CALML4: variants seen among roughly 807,000 people sequenced by gnomAD.
CALML4 encodes the protein calmodulin like 4.
A neutral mutation model predicts 17.9 loss-of-function variants in CALML4; 16 were observed. The observed-to-expected ratio is 0.89, with a 90% CI of 0.61 to 1.36. CALML4 has a LOEUF of 1.36. Among genes scored for constraint, CALML4 ranks in the 40% most tolerant of loss-of-function variants. The pLI is 0.00. For synonymous variants in CALML4, 86 were observed against 71.5 expected (o/e 1.20, Z -1.02); for missense variants, 203 against 194.8 (o/e 1.04, Z -0.25).
chr15:68,205,455 G>A (rs911278927), upstream of CALML4: 13 of 1,570,116 alleles, frequency 8.3e-6, no homozygotes, highest in Non-Finnish European at 1.1e-5. This position sits in a 1 kb window ranked among gnomAD's most constrained non-coding sequence, Gnocchi z 4.8. Context: ...GGGCAGGTTG[G>A]ATTTTTGAGG....
intron 4 of CALML4, among the ~76,000 whole-genome samples, chr15:68,194,967 T>C (rs913912777): frequency 2.0e-5 from 3 of 151,454 alleles, no homozygotes; most frequent in African/African-American, 7.3e-5. Context: ...GGATGGGGTT[T>C]ATATGAGAGA....
intron 4 of CALML4, among the ~76,000 whole-genome samples, chr15:68,196,136 C>T (rs2093143496): frequency 6.6e-6 from 1 of 152,208 alleles, no homozygotes. Context: ...GCAACCTCCG[C>T]CTCCCAGATT....
chr15:68,199,548 G>A lies in CALML4; in HGVS notation c.168C>T (p.His56=), dbSNP rs200702934. ...PGEVQRHLQT[H]GIDGNGELDF... ...GTTCCCACCACCACTCACCTATCCC[G>A]TGGGTCTGCAGGTGCCGCTGCACCT... Residue 56 remains histidine (H), a synonymous_variant, in exon 3 of 5, where the codon CAC becomes CAT. Transcript: ENST00000467889. 2.3e-3 allele frequency: 3,662 copies of A among 1,612,910 alleles called. 7 individuals carry two copies. The highest frequency in any genetic ancestry group is 2.8e-3 in the Non-Finnish European group (3,287 of 1,179,662).
At chr15:68,199,759 T>C in intron 2 of CALML4, 78 bp from the exon 3 acceptor site, 1 of 1,482,382 alleles carries the variant, frequency 6.7e-7, no homozygotes, top group Non-Finnish European at 9.1e-7. Flanking sequence ...CTTAGTCTCT[T>C]CTCCCTCTTT....
intron 4 of CALML4, among the ~76,000 whole-genome samples, chr15:68,194,698 AT>A (rs1193013313): frequency 2.6e-5 from 4 of 151,692 alleles, no homozygotes; most frequent in African/African-American, 9.7e-5. Flanking sequence ...CTGTGCTTTT[AT>A]TTTTATTTTT....
Position 68,191,135 on chromosome 15 carries a change from A to G in CALML4, c.*2880T>C, listed in dbSNP as rs532229693. ...TAAATACAAAGCTTAGATTTCAGAA[A>G]GAGAGGGAAAATAGCTGGTGGTCCC... On this transcript the variant is annotated 3_prime_UTR_variant, in exon 5 of 5. Coordinates refer to ENST00000467889, the MANE Select transcript of CALML4 (RefSeq NM_033429.3). 1 of 152,586 alleles carries G rather than the reference A, an allele frequency of 6.6e-6. No homozygotes were observed. Among genetic ancestry groups the G allele is most frequent in the Non-Finnish European group, 1.5e-5 (1 of 68,042 alleles). 9.5% of individuals were successfully genotyped at this position (152,586 alleles called of 1,614,324 possible).
Position 68,192,186 on chromosome 15 carries a change from A to G in CALML4, c.*1829T>C, listed in dbSNP as rs1399724047. ...GTGCAGGATTTACTTCCTAATGTCC[A>G]TGACTGGAGCTCAAAAGAACTGTGG... On this transcript the variant is annotated 3_prime_UTR_variant, in exon 5 of 5. Transcript: ENST00000467889. The G allele has an allele frequency of 2.0e-5, 3 of 152,006 alleles. No homozygotes were observed. Among genetic ancestry groups the G allele is most frequent in the Non-Finnish European group, 4.4e-5 (3 of 68,020 alleles). 9.4% of individuals were successfully genotyped at this position (152,006 alleles called of 1,614,324 possible).
chr15:68,191,844 A>G lies in CALML4; in HGVS notation c.*2171T>C, dbSNP rs1017288889. ...CCTCGGGTAGAGGTTTGAATCAAACACTTAATAGGATCTTAGACTCTGGAC... is the reference window on the plus strand; with the variant it reads ...CCTCGGGTAGAGGTTTGAATCAAACGCTTAATAGGATCTTAGACTCTGGAC... On this transcript the variant is annotated 3_prime_UTR_variant, in exon 5 of 5. Coordinates refer to ENST00000467889, the MANE Select transcript of CALML4 (RefSeq NM_033429.3). 4 of 152,196 alleles carry G rather than the reference A, an allele frequency of 2.6e-5. No homozygotes were observed. The highest frequency in any genetic ancestry group is 9.7e-5 in the African/African-American group (4 of 41,444). The allele number at this position is 152,196 out of a possible 1,614,324, so 9.4% of individuals were successfully genotyped here. A position where few individuals can be genotyped will look rare whatever the true frequency, so the allele number is the denominator to read the frequency against.
At chr15:68,194,192 TC>T in intron 4 of CALML4, 80 bp from the exon 5 acceptor site, 1 of 1,020,554 alleles carries the variant, frequency 9.8e-7, no homozygotes, top group Admixed American at 1.9e-5. Context: ...GGACTGGAGC[TC>T]CCCTAAGGTC....
rs777213659 is a variant in CALML4, at chr15:68,197,515, TCTC to T, written c.286_288del (p.Glu96del). 7.1e-5 allele frequency: 114 copies of T among 1,614,118 alleles called. No individual in the cohort carries two copies. The highest frequency in any genetic ancestry group is 3.3e-4 in the East Asian group (15 of 44,836). On this transcript the variant is annotated inframe_deletion, in exon 4 of 5. Coordinates refer to ENST00000467889, the MANE Select transcript of CALML4 (RefSeq NM_033429.3). The surrounding 1 kb of genome is among the most constrained non-coding windows in gnomAD (Gnocchi z 4.1). ...TCGGACGCCATGACGTAACCTTTCT[TCTC>T]CTTGTCCACCATCAACATGGCTAGA...
rs908979274 is a variant in CALML4 at position 68,190,712 on chromosome 15, G to C, written c.*3303C>G. ...ATAAAATAGCTATTTGACTAGCAGG[G>C]TTAAAGTGGCTTTTAATTACTTCGT... On this transcript the variant is annotated 3_prime_UTR_variant, in exon 5 of 5. Coordinates refer to ENST00000467889, the MANE Select transcript of CALML4 (RefSeq NM_033429.3). The surrounding 1 kb of genome is among the most constrained non-coding windows in gnomAD (Gnocchi z 4.7). 1 of 151,720 alleles carries C rather than the reference G, an allele frequency of 6.6e-6. No homozygotes were observed. Among genetic ancestry groups the C allele is most frequent in the Non-Finnish European group, 1.5e-5 (1 of 67,976 alleles). The allele number at this position is 151,720 out of a possible 1,614,324, so 9.4% of individuals were successfully genotyped here.
chr15:68,195,876 A>C (rs1017597894), intron 4 of CALML4, among the ~76,000 whole-genome samples: 1 of 152,054 alleles, frequency 6.6e-6, no homozygotes, highest in South Asian at 2.1e-4. Context: ...ATCATTAACC[A>C]CAAAAAGAAG....
chr15:68,205,244 C>G lies in CALML4; in HGVS notation c.3+1G>C, dbSNP rs374163370. ...AGGCCGACACAGACCCTCACACTCA[C>G]CATTCTGGGGCCTCGGCTGCTACCC... On this transcript the variant is annotated splice_donor_variant, in intron 1 of 4. Transcript: ENST00000467889. LOFTEE classifies it high-confidence loss of function. The surrounding 1 kb of genome is among the most constrained non-coding windows in gnomAD (Gnocchi z 4.8). 6.8e-6 allele frequency: 11 copies of G among 1,614,056 alleles called. No homozygotes were observed. The highest frequency in any genetic ancestry group is 9.3e-6 in the Non-Finnish European group (11 of 1,180,036).
intron 2 of CALML4, among the ~76,000 whole-genome samples, chr15:68,201,887 T>G (rs1163186295): frequency 6.6e-6 from 1 of 152,184 alleles, no homozygotes; most frequent in African/African-American, 2.4e-5. Flanking sequence ...CCTCCTCACC[T>G]CCTGGCTCTC....
intron 2 of CALML4, among the ~76,000 whole-genome samples, chr15:68,201,911 C>G (rs1467739594): frequency 6.6e-6 from 1 of 152,186 alleles, no homozygotes; most frequent in Non-Finnish European, 1.5e-5. Context: ...CCTGCTTTTT[C>G]TCCTGACAGG....
At chr15:68,195,471 T>G (rs1172409635) in intron 4 of CALML4, among the ~76,000 whole-genome samples, 1 of 152,056 alleles carries the variant, frequency 6.6e-6, no homozygotes, top group Non-Finnish European at 1.5e-5. Context: ...CAACATCAGC[T>G]CCAGGGCCAG....
chr15:68,192,998 G>C lies in CALML4; in HGVS notation c.*1017C>G, dbSNP rs1595806743. The C allele has an allele frequency of 6.6e-6, 1 of 152,294 alleles. No individual in the cohort carries two copies. The highest frequency in any genetic ancestry group is 2.1e-4 in the South Asian group (1 of 4,832). The allele number at this position is 152,294 out of a possible 1,614,324, so 9.4% of individuals were successfully genotyped here. A position where few individuals can be genotyped will look rare whatever the true frequency, so the allele number is the denominator to read the frequency against. ...CTTCTAGCTGTGTAACTCACTCAAA[G>C]CCACTCCAGCTGGATGGACTCCCAG... On this transcript the variant is annotated 3_prime_UTR_variant, in exon 5 of 5. Coordinates refer to ENST00000467889, the MANE Select transcript of CALML4 (RefSeq NM_033429.3).
intron 2 of CALML4, among the ~76,000 whole-genome samples, chr15:68,201,537 C>T (rs1330612187): frequency 6.6e-6 from 1 of 152,220 alleles, no homozygotes; most frequent in Non-Finnish European, 1.5e-5. Flanking sequence ...AGGCCCACTG[C>T]TCTCCCTGCC....
In CALML4 at chr15:68,191,298, A is replaced by C. The variant is rs1216822996; in HGVS notation, c.*2717T>G. The C allele has an allele frequency of 1.3e-5, 2 of 152,686 alleles. No homozygotes were observed. The highest frequency in any genetic ancestry group is 2.4e-5 in the African/African-American group (1 of 41,476). The allele number at this position is 152,686 out of a possible 1,614,324, so 9.5% of individuals were successfully genotyped here. A position where few individuals can be genotyped will look rare whatever the true frequency, so the allele number is the denominator to read the frequency against. ...CTTAGAATTTCCATACCGCATGCCA[A>C]ACCAGTAAAATGGCTTTTAAAAATG... On this transcript the variant is annotated 3_prime_UTR_variant, in exon 5 of 5. Coordinates refer to ENST00000467889, the MANE Select transcript of CALML4 (RefSeq NM_033429.3).
Sources: gnomAD v4.1 joint callset for allele counts (sites outside exome capture counted in the v4.1 genomes callset) on GRCh38, gnomAD v4.1.1 for gene constraint, Gnocchi (gnomAD v3.1) non-coding constraint, MANE v1.5 for transcripts, NCBI Gene and HGNC (gene_info 2026-07-23, HGNC 2026-07-21) for gene names.